Variants in CSMD3 observed in about 807,000 individuals in gnomAD.
CSMD3 encodes the protein CUB and Sushi multiple domains 3.
CSMD3 carries 177 observed loss-of-function variants against 435.2 expected under a neutral mutation model. The ratio of observed to expected loss-of-function variants is 0.41; its 90% CI spans 0.36 to 0.46. The LOEUF (loss-of-function observed/expected upper bound fraction) is 0.46. Among genes scored for constraint, CSMD3 ranks in the 20% least tolerant of loss-of-function variants. The probability of loss-of-function intolerance (pLI) is 0.34; values close to 1 mark genes in which losing one functional copy is unlikely to be tolerated. For synonymous variants in CSMD3, 1,656 were observed against 1,520.5 expected (o/e 1.09, Z -2.07); for missense variants, 4,265 against 4,504.6 (o/e 0.95, Z 1.52).
chr8:112,506,377 G>A (rs955396445), intron 29 of CSMD3, among the ~76,000 whole-genome samples: 17 of 152,060 alleles, frequency 1.1e-4, no homozygotes, highest in African/African-American at 3.9e-4. Context: ...AAAGATTGGG[G>A]ACTTTTCTAC....
At chr8:113,257,984 G>GA (rs1353783597) in intron 3 of CSMD3, among the ~76,000 whole-genome samples, 4 of 151,972 alleles carry the variant, frequency 2.6e-5, no homozygotes, top group African/African-American at 4.8e-5. Context: ...AATGCAGCTG[G>GA]AAAAAAAGGT....
chr8:113,228,105 T>C (rs921849617), intron 3 of CSMD3, among the ~76,000 whole-genome samples: 2 of 151,596 alleles, frequency 1.3e-5, no homozygotes, highest in African/African-American at 4.8e-5. Context: ...GTTAACATAA[T>C]AATATAATGT....
At chr8:112,305,358 A>C (rs1464948362) in intron 51 of CSMD3, among the ~76,000 whole-genome samples, 1 of 152,156 alleles carries the variant, frequency 6.6e-6, no homozygotes, top group African/African-American at 2.4e-5. Context: ...ACAACTTAAC[A>C]ATCTTCATTT....
intron 1 of CSMD3, among the ~76,000 whole-genome samples, chr8:113,359,071 C>T (rs1299844827): frequency 6.6e-6 from 1 of 151,990 alleles, no homozygotes; most frequent in Non-Finnish European, 1.5e-5. Flanking sequence ...TGAATATAGT[C>T]CCCTGAAATC....
At chr8:113,174,931 G>A (rs890092970) in intron 3 of CSMD3, among the ~76,000 whole-genome samples, 1 of 151,682 alleles carries the variant, frequency 6.6e-6, no homozygotes, top group Admixed American at 6.6e-5. Context: ...GTTATATCAA[G>A]GGAAACTAAT....
chr8:112,386,794 G>A (rs1315919165), intron 36 of CSMD3, among the ~76,000 whole-genome samples: 1 of 152,124 alleles, frequency 6.6e-6, no homozygotes, highest in Non-Finnish European at 1.5e-5. Flanking sequence ...ACCGCGCCCG[G>A]CCCAACTAAA....
At chr8:112,663,013 A>T (rs2075425299) in intron 17 of CSMD3, among the ~76,000 whole-genome samples, 1 of 152,168 alleles carries the variant, frequency 6.6e-6, no homozygotes, top group South Asian at 2.1e-4. Flanking sequence ...ATCATTAAAA[A>T]GTCAGGAAAC....
chr8:112,341,115 T>A (rs997559132), intron 42 of CSMD3, among the ~76,000 whole-genome samples: 2 of 152,096 alleles, frequency 1.3e-5, no homozygotes, highest in African/African-American at 4.8e-5. Flanking sequence ...AACACATGAA[T>A]AATACAAAAT....
In CSMD3 at chr8:112,406,697, C is replaced by A; in HGVS notation, c.5636G>T (p.Ser1879Ile). 3 of 1,610,266 alleles carry A rather than the reference C, an allele frequency of 1.9e-6. No homozygotes were observed. The highest frequency in any genetic ancestry group is 4.5e-5 in the East Asian group (2 of 44,754). The change falls in exon 35 of 71, where the codon AGT becomes ATT. Residue 1879 changes from serine (S) to isoleucine (I), a missense_variant. This residue lies in a region of CSMD3 where 3,255 missense variants were observed against 3,380.2 expected (regional missense o/e 0.96). Coordinates refer to ENST00000297405, the MANE Select transcript of CSMD3 (RefSeq NM_198123.2). Reference sequence around the variant, plus strand: ...TCCGAATCTTGGTTCAGGCACAGAACTGCATTGTGTAGAACTTGTTCTAGG... The same window carrying A: ...TCCGAATCTTGGTTCAGGCACAGAAATGCATTGTGTAGAACTTGTTCTAGG... The part of the protein sequence containing the change: ...AVPRTSSTQC[S>I]SVPEPRFGRR...
chr8:112,487,554 A>G (rs766395350), intron 31 of CSMD3, among the ~76,000 whole-genome samples: 2 of 152,136 alleles, frequency 1.3e-5, no homozygotes, highest in Non-Finnish European at 2.9e-5. Context: ...CTGATTTGGG[A>G]AGCCATTGGT....
At chr8:112,713,542 G>A (rs2076656079) in intron 13 of CSMD3, among the ~76,000 whole-genome samples, 1 of 151,942 alleles carries the variant, frequency 6.6e-6, no homozygotes, top group African/African-American at 2.4e-5. Context: ...CCTAGCAAGA[G>A]AGGCTAACAT....
chr8:112,263,487 A>G (rs1448571249), intron 61 of CSMD3, 152 bp downstream of exon 61: 1 of 655,054 alleles, frequency 1.5e-6, no homozygotes, highest in African/African-American at 1.8e-5. Context: ...GAGAAACATA[A>G]TGACTTAATT....
At chr8:112,531,243 T>A (rs376391930) in intron 27 of CSMD3, among the ~76,000 whole-genome samples, 5 of 152,158 alleles carry the variant, frequency 3.3e-5, no homozygotes, top group East Asian at 3.9e-4. Flanking sequence ...TCCCATCAAT[T>A]CTTCTAGATC....
intron 32 of CSMD3, among the ~76,000 whole-genome samples, chr8:112,443,060 C>G (rs1815213760): frequency 6.6e-6 from 1 of 152,124 alleles, no homozygotes; most frequent in African/African-American, 2.4e-5. Flanking sequence ...CTTTGTCCTT[C>G]TCATTCTAAT....
chr8:113,094,692 T>C (rs1421526254), intron 5 of CSMD3, among the ~76,000 whole-genome samples: 1 of 152,214 alleles, frequency 6.6e-6, no homozygotes. Context: ...TAGATGATTC[T>C]AGCATACAGA....
At chr8:112,439,678 T>A (rs1814770832) in intron 32 of CSMD3, among the ~76,000 whole-genome samples, 1 of 152,034 alleles carries the variant, frequency 6.6e-6, no homozygotes, top group African/African-American at 2.4e-5. Context: ...AAACTTACAA[T>A]CATGGCAGGA....
intron 13 of CSMD3, among the ~76,000 whole-genome samples, chr8:112,746,255 T>C (rs1388345020): frequency 6.6e-6 from 1 of 152,202 alleles, no homozygotes; most frequent in Non-Finnish European, 1.5e-5. Flanking sequence ...GCATTATTAC[T>C]GCAATAACTG....
At chr8:112,688,757 T>A (rs2076067638) in intron 14 of CSMD3, among the ~76,000 whole-genome samples, 1 of 152,084 alleles carries the variant, frequency 6.6e-6, no homozygotes, top group Non-Finnish European at 1.5e-5. Context: ...GCTACATTTT[T>A]ATCATATATC....
chr8:112,970,915 G>A (rs776622715), intron 7 of CSMD3, among the ~76,000 whole-genome samples: 7 of 151,758 alleles, frequency 4.6e-5, no homozygotes. Flanking sequence ...TAGAGATGGG[G>A]TTTCACCGTG....
Sources: gnomAD v4.1 joint callset for allele counts (sites outside exome capture counted in the v4.1 genomes callset) on GRCh38, gnomAD v4.1.1 for gene constraint, gnomAD v4.1.1 regional missense constraint, MANE v1.5 for transcripts, NCBI Gene and HGNC (gene_info 2026-07-23, HGNC 2026-07-21) for gene names.